Variants in CNTN4 observed in about 807,000 individuals in gnomAD.
CNTN4 encodes the protein contactin-4.
A neutral mutation model predicts 122.5 loss-of-function variants in CNTN4; 77 were observed. The ratio of observed to expected loss-of-function variants is 0.63; its 90% CI spans 0.52 to 0.76. The LOEUF (loss-of-function observed/expected upper bound fraction) is 0.76. CNTN4 is among the 30% of genes least tolerant of loss of function. CNTN4 has a pLI of 0.00. For synonymous variants in CNTN4, 512 were observed against 447.0 expected (o/e 1.15, Z -1.83); for missense variants, 1,256 against 1,259.1 (o/e 1.00, Z 0.04).
intron 3 of CNTN4, among the ~76,000 whole-genome samples, chr3:2,451,499 T>G (rs898779744): frequency 7.3e-5 from 11 of 151,376 alleles, no homozygotes; most frequent in African/African-American, 2.7e-4. Flanking sequence ...CAGTTTTTTT[T>G]GTACTAAACT....
chr3:2,222,992 G>A (rs2039121767), intron 2 of CNTN4, among the ~76,000 whole-genome samples: 1 of 152,184 alleles, frequency 6.6e-6, no homozygotes, highest in Admixed American at 6.5e-5. Context: ...ATATCACAGG[G>A]AAGTCACATT....
chr3:2,793,953 C>T (rs1033786422), intron 6 of CNTN4, among the ~76,000 whole-genome samples: 3 of 151,872 alleles, frequency 2.0e-5, no homozygotes, highest in African/African-American at 7.3e-5. Flanking sequence ...TGCCACTTTA[C>T]TAGTGGGCCA....
intron 3 of CNTN4, among the ~76,000 whole-genome samples, chr3:2,541,455 A>G (rs1269420778): frequency 6.6e-6 from 1 of 152,116 alleles, no homozygotes; most frequent in Non-Finnish European, 1.5e-5. Flanking sequence ...AAGGAATCAT[A>G]TAGGACAGGC....
At chr3:2,447,207 A>G (rs1361776200) in intron 3 of CNTN4, among the ~76,000 whole-genome samples, 1 of 152,098 alleles carries the variant, frequency 6.6e-6, no homozygotes, top group African/African-American at 2.4e-5. Context: ...ATCTTTTCCC[A>G]GTACCCCACC....
At chr3:2,259,528 TCA>T (rs1250196189) in intron 2 of CNTN4, among the ~76,000 whole-genome samples, 1 of 152,146 alleles carries the variant, frequency 6.6e-6, no homozygotes, top group Admixed American at 6.6e-5. Flanking sequence ...TTTAATGGAC[TCA>T]CAGTTCCACG....
At chr3:3,003,703 A>AAAC (rs1559775997) in intron 14 of CNTN4, among the ~76,000 whole-genome samples, 2 of 149,084 alleles carry the variant, frequency 1.3e-5, no homozygotes, top group East Asian at 3.9e-4. Context: ...AAAAAAAAAA[A>AAAC]AAAAAAAAAA....
At chr3:2,737,301 G>A (rs546401689) in intron 5 of CNTN4, among the ~76,000 whole-genome samples, 2 of 151,976 alleles carry the variant, frequency 1.3e-5, no homozygotes, top group African/African-American at 2.4e-5. Context: ...AACTGGTCTC[G>A]TATTCCTGAC....
chr3:2,174,717 G>A (rs1024716275), intron 2 of CNTN4, among the ~76,000 whole-genome samples: 4 of 152,124 alleles, frequency 2.6e-5, no homozygotes, highest in African/African-American at 9.7e-5. Flanking sequence ...TTAAAAAGAG[G>A]TTTAATTGAC....
At chr3:2,430,429 A>C (rs1185404577) in intron 3 of CNTN4, among the ~76,000 whole-genome samples, 1 of 150,866 alleles carries the variant, frequency 6.6e-6, no homozygotes, top group Non-Finnish European at 1.5e-5. Context: ...TCTCAAAAAA[A>C]AAAAAAAAAA....
chr3:2,960,246 T>C (rs2124982710), intron 13 of CNTN4, among the ~76,000 whole-genome samples: 1 of 152,326 alleles, frequency 6.6e-6, no homozygotes, highest in African/African-American at 2.4e-5. Context: ...TGGTTCATGT[T>C]AGAACCAGGA....
At chr3:2,649,472 C>T (rs950558947) in intron 4 of CNTN4, among the ~76,000 whole-genome samples, 18 of 152,154 alleles carry the variant, frequency 1.2e-4, no homozygotes, top group Admixed American at 1.2e-3. Flanking sequence ...TTTTATGGAA[C>T]AACAAAGCCT....
intron 6 of CNTN4, among the ~76,000 whole-genome samples, chr3:2,752,938 TA>T (rs1459319152): frequency 1.3e-5 from 2 of 152,208 alleles, no homozygotes; most frequent in African/African-American, 2.4e-5. Context: ...CACGGTGCCA[TA>T]AATGACAGGA....
chr3:2,154,401 G>A (rs945976594), intron 2 of CNTN4, among the ~76,000 whole-genome samples: 1 of 151,728 alleles, frequency 6.6e-6, no homozygotes, highest in South Asian at 2.1e-4. Flanking sequence ...AAATAAAAGT[G>A]GATATGGTAA....
chr3:2,674,631 G>A (rs1446225125), intron 4 of CNTN4, among the ~76,000 whole-genome samples: 1 of 152,180 alleles, frequency 6.6e-6, no homozygotes, highest in Non-Finnish European at 1.5e-5. Flanking sequence ...GGTGGTGCAT[G>A]CCTGTATTCC....
intron 23 of CNTN4, among the ~76,000 whole-genome samples, chr3:3,044,529 T>C (rs1700446326): frequency 6.6e-6 from 1 of 152,202 alleles, no homozygotes; most frequent in Non-Finnish European, 1.5e-5. Flanking sequence ...CCTCACAGTA[T>C]GGTGACCTCA....
At chr3:2,423,834 G>C (rs942872140) in intron 3 of CNTN4, among the ~76,000 whole-genome samples, 1 of 150,980 alleles carries the variant, frequency 6.6e-6, no homozygotes, top group Non-Finnish European at 1.5e-5. Flanking sequence ...AATTGGTGCC[G>C]AACATCGTTC....
intron 2 of CNTN4, among the ~76,000 whole-genome samples, chr3:2,189,781 CTT>C (rs990196883): frequency 5.9e-5 from 9 of 152,072 alleles, no homozygotes; most frequent in African/African-American, 1.9e-4. Flanking sequence ...TTCTAATGCT[CTT>C]TGTGAAACTC....
chr3:2,878,640 G>A (rs2093873882), intron 8 of CNTN4, among the ~76,000 whole-genome samples: 1 of 151,542 alleles, frequency 6.6e-6, no homozygotes, highest in African/African-American at 2.4e-5. Context: ...ATAGAAAACA[G>A]CATTGCTATT....
At chr3:2,366,280 C>A (rs757417593) in intron 3 of CNTN4, among the ~76,000 whole-genome samples, 1 of 152,142 alleles carries the variant, frequency 6.6e-6, no homozygotes, top group Non-Finnish European at 1.5e-5. Flanking sequence ...AAACTAAATT[C>A]ATCAAATAAT....
Sources: gnomAD v4.1 joint callset for allele counts (sites outside exome capture counted in the v4.1 genomes callset) on GRCh38, gnomAD v4.1.1 for gene constraint, MANE v1.5 for transcripts, NCBI Gene and HGNC (gene_info 2026-07-23, HGNC 2026-07-21) for gene names.